Variants in SKI observed in about 807,000 individuals in gnomAD.
SKI encodes the protein SKI proto-oncogene.
A neutral mutation model predicts 59.3 loss-of-function variants in SKI; 23 were observed. That is an observed-to-expected ratio of 0.39 (90% confidence interval 0.28 to 0.55). The LOEUF (loss-of-function observed/expected upper bound fraction) is 0.55, where lower values mean the gene tolerates loss of function less well. SKI is among the 20% of genes least tolerant of loss of function. The probability of loss-of-function intolerance (pLI) is 0.67; values close to 1 mark genes in which losing one functional copy is unlikely to be tolerated. For missense variants in SKI, 1,017 were observed against 1,038.9 expected, an observed-to-expected ratio of 0.98 and a Z score of 0.29; for synonymous variants, 673 against 488.6, an observed-to-expected ratio of 1.38 and a Z score of -4.98.
In SKI at chr1:2,229,925, C is replaced by T. The variant is rs567512772; in HGVS notation, c.969+190C>T. The stretch of plus-strand genomic sequence containing the variant: ...GGGCCAGAGAGTTTGGTAGGAAGGC[C>T]CTCCTGCCCGTTCCCCAGGACGAGC... On this transcript the variant is annotated intron_variant, in intron 1 of 6. Transcript: ENST00000378536. The surrounding 1 kb of genome is among the most constrained non-coding windows in gnomAD (Gnocchi z 6.3). 6.6e-6 allele frequency among the ~76,000 whole-genome samples: 1 copy of T among 152,316 alleles called. No homozygotes were observed. The highest frequency in any genetic ancestry group is 2.4e-5 in the African/African-American group (1 of 41,574).
intron 1 of SKI, among the ~76,000 whole-genome samples, chr1:2,290,792 A>T (rs955419555): frequency 2.6e-5 from 4 of 152,120 alleles, no homozygotes; most frequent in African/African-American, 9.7e-5. Context: ...GGATGGCAGG[A>T]CGCATTGTCA....
chr1:2,264,694 G>T lies in SKI; in HGVS notation c.969+34959G>T, dbSNP rs75817708. Among the ~76,000 whole-genome samples, 1,757 of 152,214 alleles carry T rather than the reference G, an allele frequency of 0.012. 116 individuals are homozygous for T. The East Asian group carries it at 0.18, about 16-fold the overall frequency. On this transcript the variant is annotated intron_variant, in intron 1 of 6. Coordinates refer to ENST00000378536, the MANE Select transcript of SKI (RefSeq NM_003036.4). ...AGATTACACAGGCATGAGCCACCGT[G>T]CCTGGCCCCAATTTTCAGTACTTTA...
chr1:2,283,251 T>C (rs1455748741), intron 1 of SKI, among the ~76,000 whole-genome samples: 1 of 152,246 alleles, frequency 6.6e-6, no homozygotes, highest in East Asian at 1.9e-4. Context: ...TTCTCCCCAC[T>C]TCTGCGCCAG....
intron 1 of SKI, among the ~76,000 whole-genome samples, chr1:2,236,633 C>T (rs940092701): frequency 4.6e-5 from 7 of 152,298 alleles, no homozygotes; most frequent in South Asian, 4.1e-4. Context: ...TCTCCATCTC[C>T]TGACCTCTTG....
At chr1:2,245,788 C>CTCTTT (rs1638981100) in intron 1 of SKI, among the ~76,000 whole-genome samples, 1 of 70,366 alleles carries the variant, frequency 1.4e-5, no homozygotes, top group Non-Finnish European at 2.5e-5. Flanking sequence ...ATTTTTCCTT[C>CTCTTT]TTTTTTTTTT....
Position 2,269,141 on chromosome 1 carries a change from C to G in SKI, c.970-33837C>G, listed in dbSNP as rs1368991861. On this transcript the variant is annotated intron_variant, in intron 1 of 6. Transcript: ENST00000378536. This position sits in a 1 kb window ranked among gnomAD's most constrained non-coding sequence, Gnocchi z 4.7. ...TATATTTTTTGGGTAGAGATGGGGTCTCGCCATGTTGTCCAGGCTGGTCTA... is the reference window on the plus strand; with the variant it reads ...TATATTTTTTGGGTAGAGATGGGGTGTCGCCATGTTGTCCAGGCTGGTCTA... Among the ~76,000 whole-genome samples, 2 of 152,154 alleles carry G rather than the reference C, an allele frequency of 1.3e-5. No individual in the cohort carries two copies. Among genetic ancestry groups the G allele is most frequent in the Non-Finnish European group, 2.9e-5 (2 of 68,028 alleles).
intron 1 of SKI, among the ~76,000 whole-genome samples, chr1:2,251,926 C>T (rs980426495): frequency 6.6e-5 from 10 of 152,310 alleles, no homozygotes; most frequent in African/African-American, 1.2e-4. Flanking sequence ...TATCTGGCCT[C>T]GTCTCTGGAG....
At chr1:2,271,615 C>T (rs770037064) in intron 1 of SKI, among the ~76,000 whole-genome samples, 5 of 151,884 alleles carry the variant, frequency 3.3e-5, no homozygotes, top group Non-Finnish European at 4.4e-5. Flanking sequence ...ACGCTGCTCT[C>T]GCCCCTCGGG....
chr1:2,249,233 G>A (rs1639066408), intron 1 of SKI, among the ~76,000 whole-genome samples: 1 of 152,196 alleles, frequency 6.6e-6, no homozygotes, highest in African/African-American at 2.4e-5. Flanking sequence ...ATTGTGGTTG[G>A]GTCCACAGGG....
At chr1:2,252,303 G>A (rs946545727) in intron 1 of SKI, among the ~76,000 whole-genome samples, 1 of 152,218 alleles carries the variant, frequency 6.6e-6, no homozygotes, top group African/African-American at 2.4e-5. Context: ...ACCAGGGTTT[G>A]CTGTGGCCTG....
At chr1:2,251,974 TC>T (rs1639160915) in intron 1 of SKI, among the ~76,000 whole-genome samples, 1 of 152,258 alleles carries the variant, frequency 6.6e-6, no homozygotes, top group Admixed American at 6.5e-5. Context: ...ATTTCACTGT[TC>T]CTGGCAGTGG....
rs992584888 is a variant in SKI at position 2,268,465 on chromosome 1, C to T, written c.970-34513C>T. ...GGGGCACGGTAGTGAGTCAGGTGCCCGGGGGCTCATAAGCCACCTTGGGGT... is the reference window on the plus strand; with the variant it reads ...GGGGCACGGTAGTGAGTCAGGTGCCTGGGGGCTCATAAGCCACCTTGGGGT... On this transcript the variant is annotated intron_variant, in intron 1 of 6. Coordinates refer to ENST00000378536, the MANE Select transcript of SKI (RefSeq NM_003036.4). The surrounding 1 kb of genome is among the most constrained non-coding windows in gnomAD (Gnocchi z 5.0). Among the ~76,000 whole-genome samples the T allele has an allele frequency of 3.3e-5, 5 of 152,080 alleles. No homozygotes were observed. The highest frequency in any genetic ancestry group is 2.6e-4 in the Admixed American group (4 of 15,288).
In SKI at chr1:2,303,242, G is replaced by GT; in HGVS notation, c.1096-38dup. On this transcript the variant is annotated intron_variant, in intron 2 of 6. Transcript: ENST00000378536. This position sits in a 1 kb window ranked among gnomAD's most constrained non-coding sequence, Gnocchi z 5.6. ...CAGCCTCAGGGACATGAAGTGGCTT[G>GT]TTTTTCTCCTGGTCACTCACACAGA... The GT allele has an allele frequency of 6.2e-7, 1 of 1,605,592 alleles. No individual in the cohort carries two copies.
Position 2,304,332 on chromosome 1 carries a change from C to T in SKI, c.1514C>T (p.Thr505Ile), listed in dbSNP as rs1406949705. The change falls in exon 5 of 7, where the codon ACC becomes ATC. Residue 505 changes from threonine to isoleucine, a missense_variant. By Grantham distance (89) the Thr-to-Ile change is moderately conservative. Coordinates refer to ENST00000378536, the MANE Select transcript of SKI (RefSeq NM_003036.4). ...TCCTCGCTCTCTTCCCCGTCCTTTACCTCATCCAGCTCCGCCAAGGACCTG... is the reference window on the plus strand; with the variant it reads ...TCCTCGCTCTCTTCCCCGTCCTTTATCTCATCCAGCTCCGCCAAGGACCTG... ...SLSSLSSPSF[T>I]SSSSAKDLGS... 2 of 1,551,548 alleles carry T rather than the reference C, an allele frequency of 1.3e-6. No individual in the cohort carries two copies. Among genetic ancestry groups the T allele is most frequent in the African/African-American group, 1.4e-5 (1 of 73,028 alleles).
chr1:2,297,260 C>T (rs1640307483), intron 1 of SKI, among the ~76,000 whole-genome samples: 1 of 152,196 alleles, frequency 6.6e-6, no homozygotes, highest in Admixed American at 6.5e-5. Context: ...GCATAAGCCA[C>T]CACGCCGGGC....
At position 2,307,726 on chromosome 1, in the gene SKI, A is replaced by G. The variant is rs1441137252; in HGVS notation, c.*961A>G. 1 of 152,542 alleles carries G rather than the reference A, an allele frequency of 6.6e-6. No individual in the cohort carries two copies. Among genetic ancestry groups the G allele is most frequent in the Non-Finnish European group, 1.5e-5 (1 of 68,034 alleles). The allele number at this position is 152,542 out of a possible 1,614,324, so 9.4% of individuals were successfully genotyped here. A position where few individuals can be genotyped will look rare whatever the true frequency, so the allele number is the denominator to read the frequency against. ...TTTTTGTTCGTTCATTTAAACGTAT[A>G]TTTAGAACTGCACTTTGTCCACAAC... is the stretch of plus-strand genomic sequence containing the variant. On this transcript the variant is annotated 3_prime_UTR_variant, in exon 7 of 7. Transcript: ENST00000378536.
At position 2,284,068 on chromosome 1, in the gene SKI, T is replaced by A. The variant is rs78340815; in HGVS notation, c.970-18910T>A. On this transcript the variant is annotated intron_variant, in intron 1 of 6. Coordinates refer to ENST00000378536, the MANE Select transcript of SKI (RefSeq NM_003036.4). ...TCCCCAACTCATGGAGACCCTGTCC[T>A]CCGGGCCATCCCCCGTCCATGAATG... 1.4e-3 allele frequency among the ~76,000 whole-genome samples: 216 copies of A among 152,200 alleles called. 3 individuals carry two copies. In the East Asian group the frequency reaches 0.032, roughly 23 times the overall value.
rs1429781708 is a variant in SKI at position 2,303,024 on chromosome 1, C to A, written c.1016C>A (p.Thr339Asn). Residue 339 changes from threonine to asparagine, a missense_variant, in exon 2 of 7, where the codon ACC becomes AAC. By Grantham distance (65) the Thr-to-Asn change is moderately conservative. Coordinates refer to ENST00000378536, the MANE Select transcript of SKI (RefSeq NM_003036.4). The surrounding 1 kb of genome is among the most constrained non-coding windows in gnomAD (Gnocchi z 5.6). ...TCCATAAGACCCAAAACAGATGACA[C>A]CTCTTCCCAGTCCCCCGCGCCTTCC... ...PASIRPKTDD[T>N]SSQSPAPSEK... 6.2e-7 allele frequency: 1 copy of A among 1,613,640 alleles called. No homozygotes were observed. Among genetic ancestry groups the A allele is most frequent in the Non-Finnish European group, 8.5e-7 (1 of 1,180,024 alleles).
chr1:2,228,793 C>G lies in SKI; in HGVS notation c.27C>G (p.Gly9=), dbSNP rs1476360335. 2 of 1,320,170 alleles carry G rather than the reference C, an allele frequency of 1.5e-6. No individual in the cohort carries two copies. Among genetic ancestry groups the G allele is most frequent in the South Asian group, 1.6e-5 (1 of 64,042 alleles). The allele number at this position is 1,320,170 out of a possible 1,614,324, so 81.8% of individuals were successfully genotyped here. The change falls in exon 1 of 7, where the codon GGC becomes GGG. Residue 9 remains glycine (G), a synonymous_variant. Transcript: ENST00000378536. ...TGGAGGCGGCGGCAGGCGGCCGCGG[C>G]TGTTTCCAGCCGCACCCGGGGCTGC... is the stretch of plus-strand genomic sequence containing the variant. MEAAAGGR[G]CFQPHPGLQK...
Sources: allele counts gnomAD v4.1 joint callset (sites outside exome capture counted in the v4.1 genomes callset), GRCh38; gene constraint gnomAD v4.1.1; non-coding constraint Gnocchi (gnomAD v3.1); transcripts MANE v1.5; gene names NCBI Gene and HGNC (gene_info 2026-07-23, HGNC 2026-07-21).